The following PHACTR3 variants were observed in gnomAD, a reference collection of about 807,000 sequenced individuals.
The protein encoded by PHACTR3 is protein phosphatase 1, regulatory subunit 123.
In PHACTR3, 16 loss-of-function variants were observed where a neutral mutation model predicts 66.8. That is an observed-to-expected ratio of 0.24 (90% confidence interval 0.16 to 0.36). PHACTR3 has a LOEUF of 0.36. Ranked by LOEUF, PHACTR3 falls within the 10% of genes least tolerant of loss-of-function variation. The pLI is 1.00. For synonymous variants in PHACTR3, 323 were observed against 292.1 expected, an observed-to-expected ratio of 1.11 and a Z score of -1.08; for missense variants, 647 against 719.9, an observed-to-expected ratio of 0.90 and a Z score of 1.16.
intron 7 of PHACTR3, among the ~76,000 whole-genome samples, chr20:59,783,484 T>C (rs2146931528): frequency 7.4e-6 from 1 of 135,884 alleles, no homozygotes; most frequent in East Asian, 2.4e-4. Context: ...ATCAAGTACC[T>C]TGATAAGCAC....
At chr20:59,841,188 TGTTGGAGGAAGGGGGATTGTGA>T (rs1487414432) in intron 10 of PHACTR3, among the ~76,000 whole-genome samples, 185 bp from the exon 11 acceptor site, 4 of 152,170 alleles carry the variant, frequency 2.6e-5, no homozygotes, top group African/African-American at 7.2e-5. Flanking sequence ...TGATAAAATA[TGTTGGAGGAAGGGGGATTGTGA>T]TTTAAGAGTA....
chr20:59,767,229 C>A lies in PHACTR3; in HGVS notation c.585C>A (p.Gly195=), dbSNP rs1015881794. ...SASSGEEADA[G]SLLPTTNELS... is the part of the protein sequence containing the mutation. ...CCAGTGGTGAAGAAGCAGACGCTGG[C>A]AGCCTCCTGCCCACCACCAATGAGC... is the stretch of plus-strand genomic sequence containing the variant. The change falls in exon 5 of 13, where the codon GGC becomes GGA. Residue 195 remains glycine (G), a synonymous_variant. Transcript: ENST00000371015. 2 of 1,614,256 alleles carry A rather than the reference C, an allele frequency of 1.2e-6. No homozygotes were observed. Among genetic ancestry groups the A allele is most frequent in the Non-Finnish European group, 1.7e-6 (2 of 1,180,048 alleles).
rs192198527 is a variant in PHACTR3 at position 59,750,575 on chromosome 20, G to A, written c.358+2740G>A. On this transcript the variant is annotated intron_variant, in intron 3 of 12. Transcript: ENST00000371015. ...GAAGGAGGAAGCAGGAAAGGGAGAG[G>A]GGCTTGGGTCAAGACGCCTCCCGTC... Among the ~76,000 whole-genome samples the A allele has an allele frequency of 2.2e-4, 34 of 152,294 alleles. No individual in the cohort carries two copies. The East Asian group carries it at 2.3e-3, about 10-fold the overall frequency.
In PHACTR3 at chr20:59,830,180, C is replaced by CGTGTCTGATGGAAGAGGGTATGA. The variant is rs2042315233; in HGVS notation, c.1329-6315_1329-6293dup. Among the ~76,000 whole-genome samples, 4 of 145,568 alleles carry CGTGTCTGATGGAAGAGGGTATGA rather than the reference C, an allele frequency of 2.7e-5. No individual in the cohort carries two copies. Among genetic ancestry groups the CGTGTCTGATGGAAGAGGGTATGA allele is most frequent in the African/African-American group, 1.0e-4 (4 of 38,816 alleles). ...TGCGTGTCTGGTGGAAGAGGGTGTG[C>CGTGTCTGATGGAAGAGGGTATGA]GTGTCTGATGGAAGAGGGTATGAGT... On this transcript the variant is annotated intron_variant, in intron 8 of 12. Transcript: ENST00000371015. The surrounding 1 kb of genome is among the most constrained non-coding windows in gnomAD (Gnocchi z 5.8).
intron 7 of PHACTR3, among the ~76,000 whole-genome samples, chr20:59,790,058 T>G (rs2041040744): frequency 6.6e-6 from 1 of 152,270 alleles, no homozygotes; most frequent in African/African-American, 2.4e-5. Flanking sequence ...ATCATGAGTT[T>G]ATTTTAACTC....
intron 1 of PHACTR3, among the ~76,000 whole-genome samples, chr20:59,683,685 C>T (rs2036749322): frequency 6.6e-6 from 1 of 152,194 alleles, no homozygotes; most frequent in African/African-American, 2.4e-5. Context: ...TATCCAAACA[C>T]AGAGATCAAC....
At chr20:59,747,684 C>T (rs1013674070) in intron 2 of PHACTR3, 74 bp from the exon 3 acceptor site, 2 of 1,523,624 alleles carry the variant, frequency 1.3e-6, no homozygotes, top group African/African-American at 2.7e-5. Context: ...TTGAGCCTGG[C>T]ATTGGCTGTG....
At position 59,714,472 on chromosome 20, in the gene PHACTR3, C is replaced by T. The variant is rs559148780; in HGVS notation, c.119-28635C>T. Among the ~76,000 whole-genome samples the T allele has an allele frequency of 3.9e-5, 6 of 152,316 alleles. No homozygotes were observed. The South Asian group carries it at 1.2e-3, about 32-fold the overall frequency. ...TCTTTTCCTACTGCACAGCTGTGTT[C>T]TTTTCTCATAAATCAGTCAGTACAC... On this transcript the variant is annotated intron_variant, in intron 1 of 12. Coordinates refer to ENST00000371015, the MANE Select transcript of PHACTR3 (RefSeq NM_080672.5).
intron 1 of PHACTR3, among the ~76,000 whole-genome samples, chr20:59,588,417 C>T (rs1337331622): frequency 6.6e-6 from 1 of 152,188 alleles, no homozygotes; most frequent in Admixed American, 6.5e-5. Context: ...CCCCTGGTCC[C>T]TGGGGCCATC....
At chr20:59,769,548 T>C (rs1173299138) in intron 5 of PHACTR3, among the ~76,000 whole-genome samples, 1 of 152,012 alleles carries the variant, frequency 6.6e-6, no homozygotes, top group African/African-American at 2.4e-5. Context: ...ACTGTGAGAG[T>C]TGTTCTGTTG....
intron 1 of PHACTR3, among the ~76,000 whole-genome samples, chr20:59,716,251 TGTGTGTGTGTG>T (rs2038088543): frequency 5.1e-5 from 7 of 136,354 alleles, no homozygotes; most frequent in African/African-American, 1.7e-4. Flanking sequence ...TGTGTGTGTG[TGTGTGTGTGTG>T]TTGTGACAGA....
intron 1 of PHACTR3, among the ~76,000 whole-genome samples, chr20:59,622,441 C>T (rs1373565512): frequency 1.3e-5 from 2 of 152,186 alleles, no homozygotes; most frequent in African/African-American, 4.8e-5. Flanking sequence ...AGGATTTTAA[C>T]ATTACAGTGA....
At chr20:59,842,189 C>T (rs1051712771) in intron 11 of PHACTR3, among the ~76,000 whole-genome samples, 3 of 152,180 alleles carry the variant, frequency 2.0e-5, no homozygotes, top group African/African-American at 7.2e-5. Flanking sequence ...CAGTTCTTGT[C>T]TGTGATCAAA....
intron 1 of PHACTR3, among the ~76,000 whole-genome samples, chr20:59,626,047 C>G (rs2034435325): frequency 6.6e-6 from 1 of 152,160 alleles, no homozygotes; most frequent in Admixed American, 6.5e-5. Context: ...TAGAGGGGGT[C>G]TGACCCAGGT....
intron 1 of PHACTR3, among the ~76,000 whole-genome samples, chr20:59,686,872 GTGA>G (rs1826235702): frequency 1.5e-5 from 2 of 136,052 alleles, no homozygotes; most frequent in South Asian, 2.5e-4. Context: ...GGTGGTGATT[GTGA>G]TGATGGTGGT....
At chr20:59,831,540 C>A (rs771760536) in intron 8 of PHACTR3, among the ~76,000 whole-genome samples, 1 of 152,190 alleles carries the variant, frequency 6.6e-6, no homozygotes, top group African/African-American at 2.4e-5. Flanking sequence ...TCACCAGCAG[C>A]CCCATTTCTG....
At chr20:59,623,658 C>T (rs536715344) in intron 1 of PHACTR3, among the ~76,000 whole-genome samples, 5 of 152,154 alleles carry the variant, frequency 3.3e-5, no homozygotes, top group East Asian at 1.9e-4. Context: ...TTGAAGGATA[C>T]GTGGGAATGG....
intron 4 of PHACTR3, among the ~76,000 whole-genome samples, chr20:59,765,983 G>A (rs142223985): frequency 1.2e-4 from 19 of 152,356 alleles, no homozygotes; most frequent in Admixed American, 7.2e-4. Context: ...AGAGTGTGCT[G>A]AGAGGGCAGG....
intron 1 of PHACTR3, among the ~76,000 whole-genome samples, chr20:59,674,440 GTTCC>G: frequency 1.6e-5 from 2 of 128,040 alleles, no homozygotes; most frequent in African/African-American, 6.0e-5. Context: ...CCCTTCTCCT[GTTCC>G]TTCCCCTTCT....
Sources: allele counts gnomAD v4.1 joint callset (sites outside exome capture counted in the v4.1 genomes callset), GRCh38; gene constraint gnomAD v4.1.1; non-coding constraint Gnocchi (gnomAD v3.1); transcripts MANE v1.5; gene names NCBI Gene and HGNC (gene_info 2026-07-23, HGNC 2026-07-21).